The following FGFR1 variants were observed in gnomAD, a reference collection of about 807,000 sequenced individuals.
FGFR1 encodes FGFR1/PLAG1 fusion.
FGFR1 carries 18 observed loss-of-function variants against 93.7 expected under a neutral mutation model. That is an observed-to-expected ratio of 0.19 (90% CI 0.13 to 0.28). FGFR1 has a LOEUF of 0.28. FGFR1 is among the 10% of genes least tolerant of loss of function. The probability of loss-of-function intolerance (pLI) is 1.00; values close to 1 mark genes in which losing one functional copy is unlikely to be tolerated. For synonymous variants in FGFR1, 448 were observed against 429.3 expected, an observed-to-expected ratio of 1.04 and a Z score of -0.54; for missense variants, 731 against 1,080.4, an observed-to-expected ratio of 0.68 and a Z score of 4.53.
chr8:38,433,069 G>A (rs1823876366), intron 2 of FGFR1, among the ~76,000 whole-genome samples: 1 of 152,182 alleles, frequency 6.6e-6, no homozygotes, highest in African/African-American at 2.4e-5. Flanking sequence ...TGGGTGCAGT[G>A]GCTTATGCCT....
Position 38,413,725 on chromosome 8 carries a change from CCT to C in FGFR1, c.2370_2371del (p.Glu792GlyfsTer7), listed in dbSNP as rs767698667. ...CTCATGAGAGAAGACGGAATCCTCCCCTGAGGAGCACGTAGAGCTCCGGGTGT... is the reference window on the plus strand; with the variant it reads ...CTCATGAGAGAAGACGGAATCCTCCCGAGGAGCACGTAGAGCTCCGGGTGT... On this transcript the variant is annotated frameshift_variant, in exon 18 of 18. Transcript: ENST00000447712. LOFTEE classifies it high-confidence loss of function. The surrounding 1 kb of genome is among the most constrained non-coding windows in gnomAD (Gnocchi z 4.2). The C allele has an allele frequency of 4.4e-5, 71 of 1,614,064 alleles. 2 individuals carry two copies. The South Asian group carries it at 4.8e-4, about 11-fold the overall frequency.
At position 38,468,609 on chromosome 8, in the gene FGFR1, G is replaced by A. The variant is rs772480875; in HGVS notation, c.-717C>T. 113 of 230,088 alleles carry A rather than the reference G, an allele frequency of 4.9e-4. No individual in the cohort carries two copies. Among genetic ancestry groups the A allele is most frequent in the Non-Finnish European group, 6.0e-4 (70 of 115,956 alleles). The allele number at this position is 230,088 out of a possible 1,614,324, so 14.3% of individuals were successfully genotyped here. A position where few individuals can be genotyped will look rare whatever the true frequency, so the allele number is the denominator to read the frequency against. On this transcript the variant is annotated 5_prime_UTR_variant, in exon 1 of 18. Transcript: ENST00000447712. ...CGCCGCCGAGGACGCCGCGCCTGTGGCCGCAAGAGCGCTCCGAGCGCTATG... is the reference window on the plus strand; with the variant it reads ...CGCCGCCGAGGACGCCGCGCCTGTGACCGCAAGAGCGCTCCGAGCGCTATG...
In FGFR1 at chr8:38,412,166, C is replaced by T. The variant is rs898591602; in HGVS notation, c.*1462G>A. 4 of 207,152 alleles carry T rather than the reference C, an allele frequency of 1.9e-5. No individual in the cohort carries two copies. Among genetic ancestry groups the T allele is most frequent in the South Asian group, 1.9e-4 (1 of 5,340 alleles). The allele number at this position is 207,152 out of a possible 1,614,324, so 12.8% of individuals were successfully genotyped here. ...CTCCCAGCTTCAAGGGATTCTGCCT[C>T]AGCCTCCTGTGGAGCTGGGATTACA... On this transcript the variant is annotated 3_prime_UTR_variant, in exon 18 of 18. Coordinates refer to ENST00000447712, the MANE Select transcript of FGFR1 (RefSeq NM_023110.3).
At position 38,413,336 on chromosome 8, in the gene FGFR1, T is replaced by G; in HGVS notation, c.*292A>C. The G allele has an allele frequency of 8.0e-6, 4 of 501,400 alleles. No individual in the cohort carries two copies. The South Asian group carries it at 1.2e-4, about 15-fold the overall frequency. 31.1% of individuals were successfully genotyped at this position (501,400 alleles called of 1,614,324 possible). On this transcript the variant is annotated 3_prime_UTR_variant, in exon 18 of 18. Coordinates refer to ENST00000447712, the MANE Select transcript of FGFR1 (RefSeq NM_023110.3). This position sits in a 1 kb window ranked among gnomAD's most constrained non-coding sequence, Gnocchi z 4.2. Reference sequence around the variant, plus strand: ...GTTCATTGGCTCCCACTCCCTGCCCTCCAGGCAGTGCCTGGTGGCAGGGAG... The same window carrying G: ...GTTCATTGGCTCCCACTCCCTGCCCGCCAGGCAGTGCCTGGTGGCAGGGAG...
In FGFR1 at chr8:38,466,891, C is replaced by G. The variant is rs1420479062; in HGVS notation, c.-89+1090G>C. On this transcript the variant is annotated intron_variant, in intron 1 of 17. Transcript: ENST00000447712. ...CTCAGAACAAGAAACAGGCTTCACA[C>G]CCCACCCCCCCCCCACCACCACCAA... Among the ~76,000 whole-genome samples, 3 of 20,670 alleles carry G rather than the reference C, an allele frequency of 1.5e-4. No homozygotes were observed. The Admixed American group carries it at 1.6e-3, about 11-fold the overall frequency. 13.6% of individuals were successfully genotyped at this position (20,670 alleles called of 152,430 possible). A position where few individuals can be genotyped will look rare whatever the true frequency, so the allele number is the denominator to read the frequency against.
intron 1 of FGFR1, chr8:38,459,039 G>C (rs1490846133): frequency 1.8e-5 from 4 of 228,560 alleles, no homozygotes; most frequent in Non-Finnish European, 3.5e-5. Context: ...TAAAAGAACA[G>C]AATCTGCAGC....
intron 2 of FGFR1, chr8:38,440,413 T>A: frequency 6.6e-7 from 1 of 1,507,932 alleles, no homozygotes; most frequent in Non-Finnish European, 8.9e-7. Context: ...AAAATGTGTT[T>A]CTCTCAACTC....
At chr8:38,460,211 T>G (rs1298541885) in intron 1 of FGFR1, among the ~76,000 whole-genome samples, 3 of 152,098 alleles carry the variant, frequency 2.0e-5, no homozygotes, top group Non-Finnish European at 2.9e-5. Flanking sequence ...GAAAGACCCT[T>G]GGAAGCAGAC....
intron 5 of FGFR1, among the ~76,000 whole-genome samples, chr8:38,427,495 G>C (rs1182980923): frequency 6.6e-6 from 1 of 152,212 alleles, no homozygotes; most frequent in African/African-American, 2.4e-5. Flanking sequence ...GCCCAGGCTG[G>C]TCTCGAACTC....
intron 2 of FGFR1, among the ~76,000 whole-genome samples, chr8:38,432,145 C>A (rs1337464862): frequency 6.6e-6 from 1 of 152,094 alleles, no homozygotes; most frequent in Non-Finnish European, 1.5e-5. Flanking sequence ...CAAAGAGAAC[C>A]CCCAGGCATT....
chr8:38,465,925 T>C (rs1835394628), intron 1 of FGFR1: 1 of 227,056 alleles, frequency 4.4e-6, no homozygotes, highest in East Asian at 6.2e-5. Context: ...AAGTGCGATT[T>C]CATTACAGCC....
intron 2 of FGFR1, among the ~76,000 whole-genome samples, chr8:38,431,121 C>A (rs1194927671): frequency 1.3e-5 from 2 of 152,234 alleles, no homozygotes; most frequent in African/African-American, 2.4e-5. Context: ...AGTGGAGCGA[C>A]TGCCGCTCCC....
Position 38,421,939 on chromosome 8 carries a change from A to G in FGFR1, c.939T>C (p.Thr313=). 6.2e-7 allele frequency: 1 copy of G among 1,614,220 alleles called. No individual in the cohort carries two copies. The highest frequency in any genetic ancestry group is 8.5e-7 in the Non-Finnish European group (1 of 1,180,032). ...DNLPYVQILK[T]AGVNTTDKEM... ...CTTTGTCGGTGGTATTAACTCCAGC[A>G]GTCTAGAAGAGACAACGGAAGCAAA... is the stretch of plus-strand genomic sequence containing the variant. The change falls in exon 8 of 18, where the codon ACT becomes ACC. Residue 313 remains threonine (T), a splice_region_variant and synonymous_variant. Coordinates refer to ENST00000447712, the MANE Select transcript of FGFR1 (RefSeq NM_023110.3).
chr8:38,418,054 C>T (rs931644166), intron 10 of FGFR1, 63 bp from the exon 11 acceptor site: 4 of 1,611,684 alleles, frequency 2.5e-6, no homozygotes, highest in Non-Finnish European at 2.5e-6. Flanking sequence ...TTGAGAGGCA[C>T]CCCATCTCCA....
At chr8:38,445,321 T>G (rs1476574462) in intron 2 of FGFR1, among the ~76,000 whole-genome samples, 1 of 152,202 alleles carries the variant, frequency 6.6e-6, no homozygotes, top group Non-Finnish European at 1.5e-5. Context: ...CCTGGGGTGC[T>G]TCTCCAGAAT....
intron 2 of FGFR1, among the ~76,000 whole-genome samples, chr8:38,439,159 CA>C (rs1157287199): frequency 5.3e-5 from 8 of 152,134 alleles, no homozygotes; most frequent in African/African-American, 1.9e-4. Context: ...AAATGGCTCC[CA>C]AAGTCACAAA....
intron 7 of FGFR1, chr8:38,422,404 C>A (rs932611832): frequency 8.2e-6 from 3 of 364,360 alleles, no homozygotes; most frequent in African/African-American, 6.1e-5. Context: ...AATGCCTAAC[C>A]CCTTCTCTCT....
At chr8:38,453,709 C>CTGGTGTAGA (rs1359438495) in intron 2 of FGFR1, among the ~76,000 whole-genome samples, 4 of 152,116 alleles carry the variant, frequency 2.6e-5, no homozygotes, top group Non-Finnish European at 5.9e-5. Flanking sequence ...CAAGGCCAAC[C>CTGGTGTAGA]TGGTGAAACC....
At chr8:38,452,741 C>T (rs1831480653) in intron 2 of FGFR1, among the ~76,000 whole-genome samples, 1 of 152,052 alleles carries the variant, frequency 6.6e-6, no homozygotes, top group Admixed American at 6.5e-5. Context: ...CTTTGGGAGG[C>T]CGAGGTGGGC....
Sources: gnomAD v4.1 joint callset for allele counts (sites outside exome capture counted in the v4.1 genomes callset) on GRCh38, gnomAD v4.1.1 for gene constraint, Gnocchi (gnomAD v3.1) non-coding constraint, MANE v1.5 for transcripts, NCBI Gene and HGNC (gene_info 2026-07-23, HGNC 2026-07-21) for gene names.